The following NCOA3 variants were observed in gnomAD, a reference collection of about 807,000 sequenced individuals.
NCOA3 encodes the protein CBP-interacting protein.
Under a neutral mutation model 158.8 loss-of-function variants are expected in NCOA3, and 51 were observed. The observed-to-expected ratio is 0.32, with a 90% CI of 0.26 to 0.41. NCOA3 has a LOEUF of 0.41. Ranked by LOEUF, NCOA3 falls within the 10% of genes least tolerant of loss-of-function variation. The probability of loss-of-function intolerance (pLI) is 1.00; values close to 1 mark genes in which losing one functional copy is unlikely to be tolerated. For synonymous variants in NCOA3, 537 were observed against 592.4 expected, an observed-to-expected ratio of 0.91 and a Z score of 1.36; for missense variants, 1,510 against 1,746.6, an observed-to-expected ratio of 0.86 and a Z score of 2.41.
At chr20:47,522,406 CT>C (rs3091963) in intron 1 of NCOA3, among the ~76,000 whole-genome samples, 2,247 of 128,114 alleles carry the variant, frequency 0.018, 39 homozygotes, top group African/African-American at 0.049. Flanking sequence ...GCGCCCGGCC[CT>C]TTTTTTTTTT....
chr20:47,570,388 C>G (rs554130814), intron 1 of NCOA3, among the ~76,000 whole-genome samples: 2 of 152,328 alleles, frequency 1.3e-5, no homozygotes, highest in East Asian at 3.9e-4. Context: ...CCTCAGTGAG[C>G]TGTGGTACGC....
At chr20:47,589,788 C>T (rs1305409429) in intron 2 of NCOA3, among the ~76,000 whole-genome samples, 1 of 152,082 alleles carries the variant, frequency 6.6e-6, no homozygotes, top group South Asian at 2.1e-4. Flanking sequence ...TGGATGAAGT[C>T]ATCTCTTGTT....
Position 47,652,834 on chromosome 20 carries a change from A to G in NCOA3, c.4122-97A>G, listed in dbSNP as rs887905493. 6 of 1,374,898 alleles carry G rather than the reference A, an allele frequency of 4.4e-6. No homozygotes were observed. The African/African-American group carries it at 8.6e-5, about 20-fold the overall frequency. 85.2% of individuals were successfully genotyped at this position (1,374,898 alleles called of 1,614,324 possible). A position where few individuals can be genotyped will look rare whatever the true frequency, so the allele number is the denominator to read the frequency against. On this transcript the variant is annotated intron_variant, in intron 21 of 22. Transcript: ENST00000371998. ...TTTCTCTAACATTCCCAGCTTAAGT[A>G]TAGCAATGTTTGACACAATTGTAGT...
intron 17 of NCOA3, among the ~76,000 whole-genome samples, chr20:47,643,377 G>T (rs557362832): frequency 6.6e-6 from 1 of 152,330 alleles, no homozygotes; most frequent in East Asian, 1.9e-4. Context: ...AGTGCAGATG[G>T]GAAACGCTGA....
At chr20:47,623,864 A>G (rs768169581) in intron 3 of NCOA3, 47 bp from the exon 4 acceptor site, 14 of 1,540,250 alleles carry the variant, frequency 9.1e-6, no homozygotes, top group Admixed American at 2.0e-5. Flanking sequence ...CTTTTGTGAT[A>G]TATATATTAT....
At chr20:47,570,799 A>G (rs1411812388) in intron 1 of NCOA3, among the ~76,000 whole-genome samples, 1 of 151,844 alleles carries the variant, frequency 6.6e-6, no homozygotes, top group Admixed American at 6.6e-5. Flanking sequence ...GTAATACTTG[A>G]AAGTTAAAAT....
chr20:47,568,426 TAAAA>T (rs373965205), intron 1 of NCOA3, among the ~76,000 whole-genome samples: 1 of 152,234 alleles, frequency 6.6e-6, no homozygotes, highest in Admixed American at 6.5e-5. Flanking sequence ...TCCCAGTAGA[TAAAA>T]AGTTATGTTT....
At position 47,652,547 on chromosome 20, in the gene NCOA3, A is replaced by C. The variant is rs1384101032; in HGVS notation, c.4088A>C (p.Lys1363Thr). 6.2e-7 allele frequency: 1 copy of C among 1,610,790 alleles called. No homozygotes were observed. Among genetic ancestry groups the C allele is most frequent in the South Asian group, 1.1e-5 (1 of 91,012 alleles). ...TCCATCTATCAGTCCTCAGAAATGAAGGGCTGGCCATCAGGAAATTTGGCC... is the reference window on the plus strand; with the variant it reads ...TCCATCTATCAGTCCTCAGAAATGACGGGCTGGCCATCAGGAAATTTGGCC... ...AASIYQSSEM[K>T]GWPSGNLARN... The change falls in exon 21 of 23, where the codon AAG becomes ACG. Residue 1363 changes from lysine (K) to threonine (T), a missense_variant. Around this residue, in one of 4 missense-constraint regions of NCOA3, gnomAD observed 180 missense variants for 199.3 expected, o/e 0.90. Coordinates refer to ENST00000371998, the MANE Select transcript of NCOA3 (RefSeq NM_181659.3).
intron 7 of NCOA3, 58 bp downstream of exon 7, chr20:47,627,807 T>G (rs1019395087): frequency 1.9e-6 from 3 of 1,588,920 alleles, no homozygotes; most frequent in Non-Finnish European, 8.6e-7. Context: ...ATACTTGGAG[T>G]TTTGAAACTT....
At chr20:47,513,300 G>A (rs555415468) in intron 1 of NCOA3, among the ~76,000 whole-genome samples, 1 of 152,026 alleles carries the variant, frequency 6.6e-6, no homozygotes, top group Non-Finnish European at 1.5e-5. Flanking sequence ...ACACAAATAC[G>A]CAGAGAAGCT....
chr20:47,553,629 A>G (rs2084956546), intron 1 of NCOA3, among the ~76,000 whole-genome samples: 1 of 137,618 alleles, frequency 7.3e-6, no homozygotes, highest in African/African-American at 2.8e-5. Flanking sequence ...ATTCCCACCT[A>G]TGAGTGAGAA....
At chr20:47,557,978 C>CT (rs2085033628) in intron 1 of NCOA3, among the ~76,000 whole-genome samples, 1 of 151,950 alleles carries the variant, frequency 6.6e-6, no homozygotes, top group African/African-American at 2.4e-5. Context: ...TCTGAAGCCT[C>CT]TTTCTTTGAC....
intron 12 of NCOA3, among the ~76,000 whole-genome samples, chr20:47,637,193 C>T (rs2086529123): frequency 6.6e-6 from 1 of 152,164 alleles, no homozygotes; most frequent in South Asian, 2.1e-4. Flanking sequence ...AAATGAAAGG[C>T]TTAAAGTTAG....
At chr20:47,560,910 T>G (rs1031888678) in intron 1 of NCOA3, among the ~76,000 whole-genome samples, 1 of 151,880 alleles carries the variant, frequency 6.6e-6, no homozygotes, top group Non-Finnish European at 1.5e-5. Context: ...GATTTCTGAG[T>G]TTTTAGGTGT....
At chr20:47,582,606 G>A (rs1208767806) in intron 1 of NCOA3, among the ~76,000 whole-genome samples, 1 of 150,640 alleles carries the variant, frequency 6.6e-6, no homozygotes, top group African/African-American at 2.4e-5. Flanking sequence ...GCCTCAAGCG[G>A]TCCTCCTACC....
chr20:47,522,796 T>A (rs2084365485), intron 1 of NCOA3, among the ~76,000 whole-genome samples: 1 of 151,738 alleles, frequency 6.6e-6, no homozygotes, highest in Non-Finnish European at 1.5e-5. Context: ...CATGTTTGGG[T>A]GGACCCATTT....
chr20:47,649,272 C>T (rs916736609), intron 19 of NCOA3, among the ~76,000 whole-genome samples, 163 bp downstream of exon 19: 2 of 152,204 alleles, frequency 1.3e-5, no homozygotes, highest in Admixed American at 6.5e-5. Context: ...CCATTCTTCT[C>T]TCTGGCTGGT....
intron 1 of NCOA3, among the ~76,000 whole-genome samples, chr20:47,547,456 A>G (rs1448165434): frequency 1.3e-5 from 2 of 151,706 alleles, no homozygotes; most frequent in African/African-American, 4.8e-5. Flanking sequence ...TCTGCCACCC[A>G]GGCTAGAGTG....
chr20:47,599,510 C>T (rs768948300), intron 2 of NCOA3, among the ~76,000 whole-genome samples: 1 of 152,104 alleles, frequency 6.6e-6, no homozygotes, highest in Non-Finnish European at 1.5e-5. Flanking sequence ...AAAAGCCAGT[C>T]GTGCACTTTA....
Sources: allele counts gnomAD v4.1 joint callset (sites outside exome capture counted in the v4.1 genomes callset), GRCh38; gene constraint gnomAD v4.1.1; regional missense constraint gnomAD v4.1.1; transcripts MANE v1.5; gene names NCBI Gene and HGNC (gene_info 2026-07-23, HGNC 2026-07-21).